Variants in SIAE observed in about 807,000 individuals in gnomAD.
The protein encoded by SIAE is sialic acid acetylesterase.
In SIAE, 39 loss-of-function variants were observed where a neutral mutation model predicts 52.6. That is an observed-to-expected ratio of 0.74 (90% CI 0.57 to 0.97). The LOEUF is 0.97. Among genes scored for constraint, SIAE ranks in the 50% least tolerant of loss-of-function variants. The probability of loss-of-function intolerance (pLI) is 0.00; values close to 1 mark genes in which losing one functional copy is unlikely to be tolerated. For missense variants in SIAE, 592 were observed against 662.1 expected, an observed-to-expected ratio of 0.89 and a Z score of 1.16; for synonymous variants, 233 against 241.4, an observed-to-expected ratio of 0.97 and a Z score of 0.32.
Position 124,635,001 on chromosome 11 carries a change from TACTC to T in SIAE, c.*1946_*1949del, listed in dbSNP as rs1209302121. 2 of 152,208 alleles carry T rather than the reference TACTC, an allele frequency of 1.3e-5. No individual in the cohort carries two copies. Among genetic ancestry groups the T allele is most frequent in the Non-Finnish European group, 2.9e-5 (2 of 68,036 alleles). 9.4% of individuals were successfully genotyped at this position (152,208 alleles called of 1,614,324 possible). A position where few individuals can be genotyped will look rare whatever the true frequency, so the allele number is the denominator to read the frequency against. On this transcript the variant is annotated 3_prime_UTR_variant, in exon 10 of 10. Coordinates refer to ENST00000263593, the MANE Select transcript of SIAE (RefSeq NM_170601.5). ...TGAATTCCCACATCATGTTTTAAAT[TACTC>T]AGCCACTAAAAATGAATGTGCATGG...
At chr11:124,672,959 T>C (rs533892026) in intron 1 of SIAE, among the ~76,000 whole-genome samples, 26 of 152,152 alleles carry the variant, frequency 1.7e-4, no homozygotes, top group Non-Finnish European at 3.4e-4. Context: ...ACCTTCTGCT[T>C]TCTCCATACT....
chr11:124,655,175 T>C (rs199511399), intron 3 of SIAE, among the ~76,000 whole-genome samples: 4 of 107,494 alleles, frequency 3.7e-5, no homozygotes, highest in East Asian at 2.5e-4. Context: ...TAACTTCTTC[T>C]TTTTTTTTTT....
chr11:124,652,345 G>T (rs1943029161), intron 4 of SIAE, among the ~76,000 whole-genome samples: 1 of 152,086 alleles, frequency 6.6e-6, no homozygotes, highest in Non-Finnish European at 1.5e-5. Context: ...CTAATTACAA[G>T]AGTCCTTAAA....
chr11:124,654,263 A>C, intron 4 of SIAE: 1 of 985,458 alleles, frequency 1.0e-6, no homozygotes, highest in Non-Finnish European at 1.2e-6. Flanking sequence ...GGATTAAAGA[A>C]GGCTCTGGAG....
In SIAE at chr11:124,663,299, G is replaced by A. The variant is rs559614692; in HGVS notation, c.230-2496C>T. On this transcript the variant is annotated intron_variant, in intron 2 of 9. Transcript: ENST00000263593. ...TCATTTAAAACAATAAGGATTGGCC[G>A]GGCGCAGTGGCTTGCGCCTGTAATC... is the stretch of plus-strand genomic sequence containing the variant. Among the ~76,000 whole-genome samples the A allele has an allele frequency of 4.1e-4, 62 of 151,846 alleles. 1 individual carries two copies. The highest frequency in any genetic ancestry group is 1.3e-3 in the African/African-American group (54 of 41,444).
chr11:124,646,561 G>A (rs1942938801), intron 7 of SIAE, among the ~76,000 whole-genome samples: 1 of 151,990 alleles, frequency 6.6e-6, no homozygotes, highest in Non-Finnish European at 1.5e-5. Context: ...GGGAGTGGAA[G>A]GGATAACACC....
At chr11:124,648,795 G>T (rs781590694) in intron 5 of SIAE, among the ~76,000 whole-genome samples, 3 of 152,104 alleles carry the variant, frequency 2.0e-5, no homozygotes, top group Non-Finnish European at 4.4e-5. Flanking sequence ...CACCCCCAGA[G>T]ATCTGGTCTA....
At chr11:124,674,776 A>C (rs1395070216), upstream of SIAE, 1 of 153,848 alleles carries the variant, frequency 6.5e-6, no homozygotes, top group African/African-American at 2.4e-5. Context: ...CAGCAAGGGG[A>C]AAGATTGTGC....
chr11:124,642,374 A>G (rs1459863867), intron 7 of SIAE, among the ~76,000 whole-genome samples: 6 of 152,242 alleles, frequency 3.9e-5, no homozygotes, highest in Non-Finnish European at 8.8e-5. Flanking sequence ...ATACTGGCCT[A>G]GGAGATAGAG....
Position 124,647,490 on chromosome 11 carries a change from T to G in SIAE, c.841A>C (p.Asn281His). Residue 281 changes from asparagine (N) to histidine (H), a missense_variant, in exon 7 of 10, where the codon AAT becomes CAT. Coordinates refer to ENST00000263593, the MANE Select transcript of SIAE (RefSeq NM_170601.5). ...TACAGATCCGTGTTATAATTTATAT[T>G]GGACTCCCCTAAAAACAGTCCAAAT... ...KGVVWYQGES[N>H]INYNTDLYNC... 5.0e-6 allele frequency: 8 copies of G among 1,614,130 alleles called. No individual in the cohort carries two copies. Among genetic ancestry groups the G allele is most frequent in the Non-Finnish European group, 5.9e-6 (7 of 1,180,026 alleles).
chr11:124,672,801 G>C (rs1943386316), intron 1 of SIAE, among the ~76,000 whole-genome samples: 1 of 152,138 alleles, frequency 6.6e-6, no homozygotes, highest in African/African-American at 2.4e-5. Flanking sequence ...CTCTCAGGTA[G>C]AGCAGGAGTC....
chr11:124,636,150 G>A lies in SIAE; in HGVS notation c.*801C>T, dbSNP rs976408984. 4 of 152,174 alleles carry A rather than the reference G, an allele frequency of 2.6e-5. No homozygotes were observed. Among genetic ancestry groups the A allele is most frequent in the East Asian group, 3.8e-4 (2 of 5,196 alleles). 9.4% of individuals were successfully genotyped at this position (152,174 alleles called of 1,614,324 possible). On this transcript the variant is annotated 3_prime_UTR_variant, in exon 10 of 10. Transcript: ENST00000263593. ...TGTTCCTGGCAGCCCAAGTGCCTTC[G>A]CTGGGCTACTCCCACCTGGCCCTTG...
At chr11:124,655,505 A>G (rs1259130432) in intron 3 of SIAE, among the ~76,000 whole-genome samples, 1 of 152,102 alleles carries the variant, frequency 6.6e-6, no homozygotes, top group Non-Finnish European at 1.5e-5. Context: ...GGTGCTTAGG[A>G]TATTATGTGG....
upstream of SIAE, chr11:124,674,865 GTCT>G (rs1352813556): frequency 6.5e-6 from 1 of 153,278 alleles, no homozygotes; most frequent in Non-Finnish European, 1.4e-5. Flanking sequence ...CTCAAAGAAG[GTCT>G]TCTCAGCAAT....
rs531206524 is a variant in SIAE, at chr11:124,660,946, G to C, written c.230-143C>G. The stretch of plus-strand genomic sequence containing the variant: ...AAGATTGGCCAAATTTCAGATAAGA[G>C]GATAGAACTAACACGAGCAGCAGCA... On this transcript the variant is annotated intron_variant, in intron 2 of 9. Coordinates refer to ENST00000263593, the MANE Select transcript of SIAE (RefSeq NM_170601.5). The C allele has an allele frequency of 7.9e-5, 68 of 859,564 alleles. 1 individual carries two copies. The South Asian group carries it at 9.4e-4, about 12-fold the overall frequency. The allele number at this position is 859,564 out of a possible 1,614,324, so 53.2% of individuals were successfully genotyped here.
rs1943335046 is a variant in SIAE, at chr11:124,670,424, A to G, written c.68-903T>C. On this transcript the variant is annotated intron_variant, in intron 1 of 9. Coordinates refer to ENST00000263593, the MANE Select transcript of SIAE (RefSeq NM_170601.5). The surrounding 1 kb of genome is among the most constrained non-coding windows in gnomAD (Gnocchi z 4.5). The stretch of plus-strand genomic sequence containing the variant: ...TTTATTAATACAAACATCCATCCAA[A>G]TTATCTCAGCGTGTTCCTCATCAAA... Among the ~76,000 whole-genome samples, 1 of 152,212 alleles carries G rather than the reference A, an allele frequency of 6.6e-6. No individual in the cohort carries two copies. The highest frequency in any genetic ancestry group is 6.5e-5 in the Admixed American group (1 of 15,278).
intron 4 of SIAE, among the ~76,000 whole-genome samples, chr11:124,650,359 C>T (rs979534696): frequency 6.6e-6 from 1 of 152,142 alleles, no homozygotes; most frequent in Non-Finnish European, 1.5e-5. Flanking sequence ...TGTGTCTCCC[C>T]TCTTACTCAG....
intron 8 of SIAE, among the ~76,000 whole-genome samples, chr11:124,639,504 A>G (rs995924983): frequency 6.6e-6 from 1 of 152,188 alleles, no homozygotes; most frequent in Non-Finnish European, 1.5e-5. Context: ...CCTTCTTTTA[A>G]CAGAGAGAGT....
chr11:124,669,594 C>T (rs1943321313), intron 1 of SIAE, 73 bp from the exon 2 acceptor site: 1 of 1,338,780 alleles, frequency 7.5e-7, no homozygotes, highest in African/African-American at 1.4e-5. Flanking sequence ...AGTGAAACAG[C>T]AAAGAACATA....
Sources: allele counts gnomAD v4.1 joint callset (sites outside exome capture counted in the v4.1 genomes callset), GRCh38; gene constraint gnomAD v4.1.1; non-coding constraint Gnocchi (gnomAD v3.1); transcripts MANE v1.5; gene names NCBI Gene and HGNC (gene_info 2026-07-23, HGNC 2026-07-21).